The following PRDM16 variants were observed in gnomAD, a reference collection of about 807,000 sequenced individuals.
PRDM16 encodes the protein PR/SET domain 16.
Under a neutral mutation model 110.6 loss-of-function variants are expected in PRDM16, and 23 were observed. That is an observed-to-expected ratio of 0.21 (90% CI 0.15 to 0.29). The LOEUF (loss-of-function observed/expected upper bound fraction) is 0.29. Ranked by LOEUF, PRDM16 falls within the 10% of genes least tolerant of loss-of-function variation. The pLI is 1.00. For synonymous variants in PRDM16, 799 were observed against 781.8 expected (o/e 1.02, Z -0.37); for missense variants, 1,615 against 1,794.3 (o/e 0.90, Z 1.81).
intron 2 of PRDM16, among the ~76,000 whole-genome samples, chr1:3,222,024 G>A (rs572162289): frequency 5.1e-4 from 78 of 152,324 alleles, no homozygotes; most frequent in Middle Eastern, 3.4e-3. Context: ...CCTGGAGGGC[G>A]TCCACTGCTC....
At chr1:3,268,392 G>T (rs1640349268) in intron 3 of PRDM16, among the ~76,000 whole-genome samples, 1 of 152,238 alleles carries the variant, frequency 6.6e-6, no homozygotes, top group African/African-American at 2.4e-5. Context: ...AATTACAGCA[G>T]TGGCAGGATA....
At chr1:3,108,345 T>G (rs1282520780) in intron 1 of PRDM16, among the ~76,000 whole-genome samples, 1 of 152,228 alleles carries the variant, frequency 6.6e-6, no homozygotes, top group Non-Finnish European at 1.5e-5. Context: ...GGGATCTAAC[T>G]TTTCTTTCAT....
At chr1:3,253,926 T>C (rs1027043455) in intron 3 of PRDM16, among the ~76,000 whole-genome samples, 4 of 152,220 alleles carry the variant, frequency 2.6e-5, no homozygotes, top group East Asian at 3.8e-4. Context: ...TGGTATCTCA[T>C]TGTGGTTTTG....
At position 3,081,347 on chromosome 1, in the gene PRDM16, A is replaced by T. The variant is rs929090940; in HGVS notation, c.37+12051A>T. ...AGGTTGCGTCCGCTCCTGACAGGTGACCCTTGTTCAAAGGGAACGAGGGGC... is the reference window on the plus strand; with the variant it reads ...AGGTTGCGTCCGCTCCTGACAGGTGTCCCTTGTTCAAAGGGAACGAGGGGC... On this transcript the variant is annotated intron_variant, in intron 1 of 16. Transcript: ENST00000270722. This position sits in a 1 kb window ranked among gnomAD's most constrained non-coding sequence, Gnocchi z 4.6. Among the ~76,000 whole-genome samples, 22 of 151,960 alleles carry T rather than the reference A, an allele frequency of 1.4e-4. No homozygotes were observed. The highest frequency in any genetic ancestry group is 4.8e-4 in the African/African-American group (20 of 41,364).
At chr1:3,320,211 G>A (rs1400529872) in intron 3 of PRDM16, among the ~76,000 whole-genome samples, 2 of 152,252 alleles carry the variant, frequency 1.3e-5, no homozygotes, top group Non-Finnish European at 2.9e-5. Context: ...ACAGTGGGCT[G>A]TGACAGGAAA....
At chr1:3,402,743 G>A in intron 5 of PRDM16, 48 bp from the exon 6 acceptor site, 1 of 1,546,772 alleles carries the variant, frequency 6.5e-7, no homozygotes, top group East Asian at 2.3e-5. Context: ...GATAGCCCTG[G>A]GCTGGGTCTC....
intron 1 of PRDM16, among the ~76,000 whole-genome samples, chr1:3,114,247 TGCACAC>T (rs1355445589): frequency 3.8e-5 from 4 of 104,782 alleles, no homozygotes; most frequent in South Asian, 3.4e-4. Context: ...AGTGTAAACA[TGCACAC>T]GCACGCGCAC....
chr1:3,086,525 C>T lies in PRDM16; in HGVS notation c.37+17229C>T, dbSNP rs1326579246. On this transcript the variant is annotated intron_variant, in intron 1 of 16. Coordinates refer to ENST00000270722, the MANE Select transcript of PRDM16 (RefSeq NM_022114.4). The stretch of plus-strand genomic sequence containing the variant: ...CCTCCCTCCGCTACTGGCCTCCTCC[C>T]TCCACTTCTGGCCTCCTCCCGCCGG... Among the ~76,000 whole-genome samples the T allele has an allele frequency of 5.3e-5, 8 of 152,004 alleles. No individual in the cohort carries two copies. The East Asian group carries it at 1.5e-3, about 29-fold the overall frequency.
At chr1:3,123,399 T>A (rs1042221628) in intron 1 of PRDM16, among the ~76,000 whole-genome samples, 1 of 151,734 alleles carries the variant, frequency 6.6e-6, no homozygotes, top group Non-Finnish European at 1.5e-5. Flanking sequence ...CAGAGGGGGG[T>A]GTGGGTGGCT....
chr1:3,233,767 G>T (rs532440754), intron 2 of PRDM16, among the ~76,000 whole-genome samples: 1 of 152,292 alleles, frequency 6.6e-6, no homozygotes, highest in Admixed American at 6.5e-5. Context: ...TGGGTTTATG[G>T]TGTGGATCGT....
chr1:3,270,030 C>T (rs1361426860), intron 3 of PRDM16, among the ~76,000 whole-genome samples: 2 of 142,042 alleles, frequency 1.4e-5, no homozygotes, highest in Admixed American at 7.0e-5. Context: ...TCAGGGAGGA[C>T]TGTCCTGGAA....
intron 3 of PRDM16, among the ~76,000 whole-genome samples, chr1:3,371,880 G>A (rs1449433164): frequency 6.6e-6 from 1 of 152,254 alleles, no homozygotes; most frequent in Admixed American, 6.5e-5. Flanking sequence ...ATGTGGATAT[G>A]AGGGTGGCTA....
chr1:3,409,051 G>A lies in PRDM16; in HGVS notation c.1187-2333G>A, dbSNP rs886191711. On this transcript the variant is annotated intron_variant, in intron 8 of 16. Coordinates refer to ENST00000270722, the MANE Select transcript of PRDM16 (RefSeq NM_022114.4). ...TGTGTGAGTGTGGGCGTGTGGGCCG[G>A]TGCGTGTGTCGGCGCACGTGACAGC... Among the ~76,000 whole-genome samples, 3 of 151,684 alleles carry A rather than the reference G, an allele frequency of 2.0e-5. No homozygotes were observed. The South Asian group carries it at 6.3e-4, about 32-fold the overall frequency.
intron 1 of PRDM16, among the ~76,000 whole-genome samples, chr1:3,138,617 G>C (rs1012641183): frequency 7.9e-5 from 12 of 152,234 alleles, no homozygotes; most frequent in Non-Finnish European, 1.5e-4. Flanking sequence ...GCAACTGAGG[G>C]AGCCTGCCAT....
In PRDM16 at chr1:3,426,067, G is replaced by C; in HGVS notation, c.3126G>C (p.Gly1042=). 1 of 1,613,468 alleles carries C rather than the reference G, an allele frequency of 6.2e-7. No homozygotes were observed. The highest frequency in any genetic ancestry group is 8.5e-7 in the Non-Finnish European group (1 of 1,179,842). ...HENAPVSQHP[G]VLTNHLGTSA... ...CCTCCGCAGTGAGCCAGCACCCCGG[G>C]GTCCTCACGAACCACCTGGGGACCA... is the stretch of plus-strand genomic sequence containing the variant. The change falls in exon 14 of 17, where the codon GGG becomes GGC. Residue 1042 remains glycine (G), a synonymous_variant. Coordinates refer to ENST00000270722, the MANE Select transcript of PRDM16 (RefSeq NM_022114.4).
intron 3 of PRDM16, among the ~76,000 whole-genome samples, chr1:3,369,931 A>G (rs898159237): frequency 5.3e-5 from 8 of 152,224 alleles, no homozygotes; most frequent in African/African-American, 1.7e-4. Flanking sequence ...AGCTATTTGC[A>G]AGAGCTGATC....
chr1:3,334,566 C>T (rs1642106528), intron 3 of PRDM16, among the ~76,000 whole-genome samples: 1 of 152,206 alleles, frequency 6.6e-6, no homozygotes, highest in Non-Finnish European at 1.5e-5. Flanking sequence ...GGACAGGGAA[C>T]CAGCCCTTGA....
intron 3 of PRDM16, among the ~76,000 whole-genome samples, chr1:3,340,587 C>G (rs1215730138): frequency 6.6e-6 from 1 of 152,228 alleles, no homozygotes; most frequent in Admixed American, 6.5e-5. Context: ...CTGAGTCTGT[C>G]CCTTCTACGC....
intron 1 of PRDM16, among the ~76,000 whole-genome samples, chr1:3,130,658 T>C (rs1275922752): frequency 6.6e-6 from 1 of 151,984 alleles, no homozygotes; most frequent in Non-Finnish European, 1.5e-5. Context: ...GCCTTCTCTT[T>C]GGGGACGTTT....
Sources: allele counts gnomAD v4.1 joint callset (sites outside exome capture counted in the v4.1 genomes callset), GRCh38; gene constraint gnomAD v4.1.1; non-coding constraint Gnocchi (gnomAD v3.1); transcripts MANE v1.5; gene names NCBI Gene and HGNC (gene_info 2026-07-23, HGNC 2026-07-21).